The following ZNF700 variants were observed in gnomAD, a reference collection of about 807,000 sequenced individuals.
ZNF700 encodes zinc finger protein 700.
In ZNF700, 38 loss-of-function variants were observed where a neutral mutation model predicts 65.3. The ratio of observed to expected loss-of-function variants is 0.58; its 90% CI spans 0.45 to 0.76. ZNF700 has a LOEUF of 0.76. Among genes scored for constraint, ZNF700 ranks in the 30% least tolerant of loss-of-function variants. The pLI, the probability that ZNF700 is intolerant of heterozygous loss-of-function variation, is 0.00. For missense variants in ZNF700, 857 were observed against 888.4 expected (o/e 0.96, Z 0.45); for synonymous variants, 285 against 290.4 (o/e 0.98, Z 0.19).
Position 11,928,745 on chromosome 19 carries a change from AAAAAAAG to A in ZNF700, c.63+3476_63+3482del, listed in dbSNP as rs1278453993. Among the ~76,000 whole-genome samples, 4 of 143,678 alleles carry A rather than the reference AAAAAAAG, an allele frequency of 2.8e-5. 2 individuals are homozygous for A. Among genetic ancestry groups the A allele is most frequent in the African/African-American group, 1.2e-4 (4 of 34,422 alleles). 94.3% of individuals were successfully genotyped at this position (143,678 alleles called of 152,430 possible). A position where few individuals can be genotyped will look rare whatever the true frequency, so the allele number is the denominator to read the frequency against. ...AGACTCCGTCTCAAAAAAAAAAAAAAAAAAAAGAAAGTAGTCTCTGTAGTCTTACTAC... is the reference window on the plus strand; with the variant it reads ...AGACTCCGTCTCAAAAAAAAAAAAAAAAAGTAGTCTCTGTAGTCTTACTAC... On this transcript the variant is annotated intron_variant, in intron 1 of 3. Transcript: ENST00000254321.
intron 1 of ZNF700, chr19:11,926,513 T>G (rs1174023133): frequency 6.6e-6 from 1 of 152,460 alleles, no homozygotes; most frequent in Non-Finnish European, 1.5e-5. Context: ...CTCAGCCTCC[T>G]GAGTAGCTGG....
intron 1 of ZNF700, among the ~76,000 whole-genome samples, chr19:11,932,453 CTAACTAAAAGTA>C (rs992790351): frequency 6.7e-6 from 1 of 148,218 alleles, no homozygotes; most frequent in Non-Finnish European, 1.5e-5. Context: ...ATTCTAGAAA[CTAACTAAAAGTA>C]TTACATATGC....
Position 11,948,755 on chromosome 19 carries a change from A to G in ZNF700, c.731A>G (p.His244Arg). The G allele has an allele frequency of 1.2e-6, 2 of 1,611,926 alleles. No homozygotes were observed. The highest frequency in any genetic ancestry group is 1.7e-6 in the Non-Finnish European group (2 of 1,179,582). Residue 244 changes from histidine to arginine, a missense_variant, in exon 4 of 4, where the codon CAC (histidine) becomes CGC (arginine). Transcript: ENST00000254321. Reference sequence around the variant, plus strand: ...TTATATCTTATCCATGAAAGAACTCACACTGGAGAGAAACCATATGAATGT... The same window carrying G: ...TTATATCTTATCCATGAAAGAACTCGCACTGGAGAGAAACCATATGAATGT... The part of the protein sequence containing the change: ...FSLYLIHERT[H>R]TGEKPYECKQ...
Position 11,949,971 on chromosome 19 carries a change from A to G in ZNF700, c.1947A>G (p.Glu649=), listed in dbSNP as rs111677828. 4.4e-3 allele frequency: 7,064 copies of G among 1,613,338 alleles called. 232 individuals are homozygous for G. In the African/African-American group the frequency reaches 0.074, roughly 17 times the overall value. ...ERTHTGEKPY[E]CKECEKAFCK... is the part of the protein sequence containing the mutation. ...CTCACACTGGAGAGAAACCCTATGAATGTAAGGAATGCGAAAAAGCATTCT... is the reference window on the plus strand; with the variant it reads ...CTCACACTGGAGAGAAACCCTATGAGTGTAAGGAATGCGAAAAAGCATTCT... Residue 649 remains glutamate (E), a synonymous_variant, in exon 4 of 4, where the codon GAA becomes GAG. Transcript: ENST00000254321.
At chr19:11,932,635 A>ATTTT (rs750423524) in intron 1 of ZNF700, among the ~76,000 whole-genome samples, 3 of 116,834 alleles carry the variant, frequency 2.6e-5, no homozygotes, top group Non-Finnish European at 5.1e-5. Flanking sequence ...CCAATATGTG[A>ATTTT]TTTTTTTTTT....
In ZNF700 at chr19:11,937,490, C is replaced by CTT. The variant is rs1053539594; in HGVS notation, c.64-9676_64-9675dup. ...TAGTAGATTTTTCTTTTTTTCTTTCCTTTTTTTTTTTTTTTTGAGACAGAG... is the reference window on the plus strand; with the variant it reads ...TAGTAGATTTTTCTTTTTTTCTTTCCTTTTTTTTTTTTTTTTTTGAGACAGAG... On this transcript the variant is annotated intron_variant, in intron 1 of 3. Transcript: ENST00000254321. Among the ~76,000 whole-genome samples, 40 of 128,978 alleles carry CTT rather than the reference C, an allele frequency of 3.1e-4. 1 individual carries two copies. Among genetic ancestry groups the CTT allele is most frequent in the East Asian group, 6.4e-4 (3 of 4,702 alleles). 84.6% of individuals were successfully genotyped at this position (128,978 alleles called of 152,430 possible).
intron 1 of ZNF700, among the ~76,000 whole-genome samples, chr19:11,941,213 C>T (rs1346018342): frequency 2.0e-5 from 3 of 152,274 alleles, no homozygotes; most frequent in African/African-American, 7.2e-5. Flanking sequence ...CCACCAGACT[C>T]AGGAGCCCAG....
In ZNF700 at chr19:11,949,435, G is replaced by A. The variant is rs1293855604; in HGVS notation, c.1411G>A (p.Glu471Lys). 9 of 1,613,072 alleles carry A rather than the reference G, an allele frequency of 5.6e-6. No individual in the cohort carries two copies. Among genetic ancestry groups the A allele is most frequent in the Non-Finnish European group, 7.6e-6 (9 of 1,179,806 alleles). Residue 471 changes from glutamate (E) to lysine (K), a missense_variant, in exon 4 of 4, where the codon GAG becomes AAG. Physicochemically the swap from Glu to Lys is moderately conservative, Grantham distance 56 (BLOSUM62 1). Transcript: ENST00000254321. ...LRVHGRTHTG[E>K]KPYECKECGK... Reference sequence around the variant, plus strand: ...AGTGCATGGTAGGACTCATACTGGAGAGAAACCCTATGAATGTAAGGAATG... The same window carrying A: ...AGTGCATGGTAGGACTCATACTGGAAAGAAACCCTATGAATGTAAGGAATG...
At chr19:11,947,431 C>A in intron 2 of ZNF700, 83 bp from the exon 3 acceptor site, 11 of 1,599,570 alleles carry the variant, frequency 6.9e-6, no homozygotes, top group Non-Finnish European at 9.4e-6. Context: ...GGCATGGCTG[C>A]AGTAAATCAT....
rs141808772 is a variant in ZNF700, at chr19:11,949,040, A to G, written c.1016A>G (p.Tyr339Cys). 1 of 1,608,066 alleles carries G rather than the reference A, an allele frequency of 6.2e-7. No individual in the cohort carries two copies. Among genetic ancestry groups the G allele is most frequent in the Non-Finnish European group, 8.5e-7 (1 of 1,178,750 alleles). ...SGKKPYECKQ[Y>C]GEGLSYLISF... ...AAAAAACCGTATGAATGTAAGCAAT[A>G]TGGGGAAGGCTTATCCTATCTTATA... is the stretch of plus-strand genomic sequence containing the variant. Residue 339 changes from tyrosine to cysteine, a missense_variant, in exon 4 of 4, where the codon TAT (tyrosine) becomes TGT (cysteine). By Grantham distance (194) the Tyr-to-Cys change is radical. Transcript: ENST00000254321.
chr19:11,948,042 G>T (rs1261712135), intron 3 of ZNF700, among the ~76,000 whole-genome samples: 1 of 152,150 alleles, frequency 6.6e-6, no homozygotes, highest in African/African-American at 2.4e-5. Flanking sequence ...TTTAGTAATT[G>T]TAAAATAGTT....
chr19:11,948,404 A>G lies in ZNF700; in HGVS notation c.380A>G (p.Asp127Gly). ...KKASPEVKSC[D>G]SFVCAEVGIG... ...GCTTCTCCTGAAGTAAAATCATGTG[A>G]CAGCTTTGTGTGTGCAGAAGTTGGC... Residue 127 changes from aspartate (D) to glycine (G), a missense_variant, in exon 4 of 4, where the codon GAC becomes GGC. Asp to Gly is a moderately conservative substitution (Grantham distance 94, BLOSUM62 -1). Coordinates refer to ENST00000254321, the MANE Select transcript of ZNF700 (RefSeq NM_144566.3). The G allele has an allele frequency of 6.2e-7, 1 of 1,614,130 alleles. No homozygotes were observed. The highest frequency in any genetic ancestry group is 8.5e-7 in the Non-Finnish European group (1 of 1,179,994).
intron 1 of ZNF700, among the ~76,000 whole-genome samples, chr19:11,932,786 C>T (rs879588993): frequency 2.7e-5 from 4 of 146,994 alleles, no homozygotes; most frequent in Non-Finnish European, 4.4e-5. Context: ...TACAGGCACC[C>T]GCCACCCCGT....
At position 11,950,009 on chromosome 19, in the gene ZNF700, C is replaced by A; in HGVS notation, c.1985C>A (p.Ser662Tyr). The change falls in exon 4 of 4, where the codon TCT becomes TAT. Residue 662 changes from serine (S) to tyrosine (Y), a missense_variant. Ser to Tyr is a moderately radical substitution (Grantham distance 144, BLOSUM62 -2). Coordinates refer to ENST00000254321, the MANE Select transcript of ZNF700 (RefSeq NM_144566.3). Reference sequence around the variant, plus strand: ...GAAAAAGCATTCTGTAAATTCTCTTCTTTTCAAATACATGAAAGGAAGCAC... The same window carrying A: ...GAAAAAGCATTCTGTAAATTCTCTTATTTTCAAATACATGAAAGGAAGCAC... ...ECEKAFCKFS[S>Y]FQIHERKHRG... 6.2e-7 allele frequency: 1 copy of A among 1,613,994 alleles called. No individual in the cohort carries two copies. The highest frequency in any genetic ancestry group is 1.7e-5 in the Admixed American group (1 of 59,972).
At position 11,948,557 on chromosome 19, in the gene ZNF700, G is replaced by A. The variant is rs751845890; in HGVS notation, c.533G>A (p.Arg178His). Residue 178 changes from arginine (R) to histidine (H), a missense_variant, in exon 4 of 4, where the codon CGC becomes CAC. By Grantham distance (29) the Arg-to-His change is conservative. Coordinates refer to ENST00000254321, the MANE Select transcript of ZNF700 (RefSeq NM_144566.3). ...AAAAATAAGAAAGCCTTCAGGTATC[G>A]CCCATCCATTAGAACACAAGAAAGG... ...QPKNKKAFRYRPSIRTQERDH... is the reference protein window; with the variant it reads ...QPKNKKAFRYHPSIRTQERDH... The A allele has an allele frequency of 1.4e-5, 22 of 1,608,788 alleles. No homozygotes were observed. The highest frequency in any genetic ancestry group is 6.7e-5 in the East Asian group (3 of 44,870).
intron 1 of ZNF700, among the ~76,000 whole-genome samples, chr19:11,941,476 C>T (rs567489897): frequency 2.2e-4 from 34 of 152,328 alleles, no homozygotes; most frequent in Admixed American, 1.0e-3. Flanking sequence ...AGAAATCGAG[C>T]GCAGCACCGG....
chr19:11,928,731 CAAAAAAAAAA>C (rs779525520), intron 1 of ZNF700, among the ~76,000 whole-genome samples: 2 of 53,452 alleles, frequency 3.7e-5, no homozygotes, highest in Non-Finnish European at 7.9e-5. Flanking sequence ...GACTCCGTCT[CAAAAAAAAAA>C]AAAAAAAAAA....
At chr19:11,927,140 G>T (rs1972641172) in intron 1 of ZNF700, among the ~76,000 whole-genome samples, 1 of 152,108 alleles carries the variant, frequency 6.6e-6, no homozygotes, top group Non-Finnish European at 1.5e-5. Flanking sequence ...ATAACTTGAG[G>T]TCAGGAGTTC....
intron 2 of ZNF700, 86 bp downstream of exon 2, chr19:11,947,393 G>C (rs1972976998): frequency 6.2e-7 from 1 of 1,606,464 alleles, no homozygotes; most frequent in African/African-American, 1.3e-5. Flanking sequence ...TTTGAACATA[G>C]ACAGGAAATA....
Sources: allele counts gnomAD v4.1 joint callset (sites outside exome capture counted in the v4.1 genomes callset), GRCh38; gene constraint gnomAD v4.1.1; transcripts MANE v1.5; gene names NCBI Gene and HGNC (gene_info 2026-07-23, HGNC 2026-07-21).